LRP1B: variants seen among roughly 807,000 people sequenced by gnomAD.
LRP1B encodes low-density lipoprotein receptor-related protein 1B.
LRP1B carries 217 observed loss-of-function variants against 556.6 expected under a neutral mutation model. The ratio of observed to expected loss-of-function variants is 0.39; its 90% CI spans 0.35 to 0.44. The LOEUF (loss-of-function observed/expected upper bound fraction) is 0.44. LRP1B is among the 20% of genes least tolerant of loss of function. The pLI, the probability that LRP1B is intolerant of heterozygous loss-of-function variation, is 1.00. For synonymous variants in LRP1B, 2,047 were observed against 1,865.8 expected, an observed-to-expected ratio of 1.10 and a Z score of -2.50; for missense variants, 5,053 against 5,620.8, an observed-to-expected ratio of 0.90 and a Z score of 3.23.
intron 3 of LRP1B, among the ~76,000 whole-genome samples, chr2:141,432,935 T>TAAG (rs1284226591): frequency 6.6e-6 from 1 of 152,044 alleles, no homozygotes; most frequent in Non-Finnish European, 1.5e-5. Flanking sequence ...CTGCTAACTT[T>TAAG]AAGTTTAGTT....
Position 140,510,033 on chromosome 2 carries a change from T to C in LRP1B, c.8293A>G (p.Met2765Val), listed in dbSNP as rs1485634684. ...GCACGAGAGCCCTGGCAGCTGAACATGTCAGCAGCACAGGTTATGGCACCT... is the reference window on the plus strand; with the variant it reads ...GCACGAGAGCCCTGGCAGCTGAACACGTCAGCAGCACAGGTTATGGCACCT... The part of the protein sequence containing the change: ...ICGAITCAAD[M>V]FSCQGSRACV... Residue 2765 changes from methionine (M) to valine (V), a missense_variant, in exon 52 of 91, where the codon ATG (methionine) becomes GTG (valine). Coordinates refer to ENST00000389484, the MANE Select transcript of LRP1B (RefSeq NM_018557.3). 3 of 1,613,830 alleles carry C rather than the reference T, an allele frequency of 1.9e-6. No homozygotes were observed. Among genetic ancestry groups the C allele is most frequent in the African/African-American group, 1.3e-5 (1 of 74,986 alleles).
rs369013160 is a variant in LRP1B, at chr2:140,766,844, T to TTA, written c.5758+2367_5758+2368dup. On this transcript the variant is annotated intron_variant, in intron 35 of 90. Transcript: ENST00000389484. Reference sequence around the variant, plus strand: ...TAAAATATATATATATATATATATATTATATATATATATATATATATAATA... The same window carrying TTA: ...TAAAATATATATATATATATATATATTATATATATATATATATATATATAATA... Among the ~76,000 whole-genome samples, 318 of 54,914 alleles carry TTA rather than the reference T, an allele frequency of 5.8e-3. 3 individuals carry two copies. The highest frequency in any genetic ancestry group is 0.016 in the African/African-American group (263 of 16,684). The allele number at this position is 54,914 out of a possible 152,430, so 36.0% of individuals were successfully genotyped here. A position where few individuals can be genotyped will look rare whatever the true frequency, so the allele number is the denominator to read the frequency against.
chr2:140,356,804 G>A (rs1682245468), intron 74 of LRP1B, among the ~76,000 whole-genome samples: 1 of 151,740 alleles, frequency 6.6e-6, no homozygotes. Flanking sequence ...TACGATATAT[G>A]AGTACTACAT....
At chr2:141,710,174 T>C (rs1353998880) in intron 2 of LRP1B, among the ~76,000 whole-genome samples, 1 of 152,194 alleles carries the variant, frequency 6.6e-6, no homozygotes, top group Non-Finnish European at 1.5e-5. Context: ...GTATGACTAC[T>C]ATTTCTAAAA....
chr2:141,863,495 T>C (rs1698315181), intron 1 of LRP1B, among the ~76,000 whole-genome samples: 1 of 152,194 alleles, frequency 6.6e-6, no homozygotes, highest in Admixed American at 6.5e-5. Context: ...TGAATCTAGA[T>C]TCAGCTTCAT....
intron 3 of LRP1B, among the ~76,000 whole-genome samples, chr2:141,409,594 T>C (rs577008182): frequency 6.6e-6 from 1 of 152,176 alleles, no homozygotes; most frequent in South Asian, 2.1e-4. Context: ...ATGTGGAAAA[T>C]ATGTACATCT....
chr2:141,818,692 A>C (rs936577090), intron 1 of LRP1B, among the ~76,000 whole-genome samples: 2 of 151,002 alleles, frequency 1.3e-5, no homozygotes, highest in Non-Finnish European at 3.0e-5. Context: ...GCCTGCCACC[A>C]CACCTGGCTA....
intron 7 of LRP1B, among the ~76,000 whole-genome samples, chr2:141,138,683 C>T (rs1701550831): frequency 6.6e-6 from 1 of 151,390 alleles, no homozygotes; most frequent in Admixed American, 6.6e-5. Context: ...ATATGAAAGA[C>T]CTGGACATAT....
At chr2:140,859,838 C>G (rs557364054) in intron 27 of LRP1B, among the ~76,000 whole-genome samples, 1 of 151,588 alleles carries the variant, frequency 6.6e-6, no homozygotes, top group Non-Finnish European at 1.5e-5. Flanking sequence ...ACTAAAAATA[C>G]AAAAAAATTA....
At position 141,616,794 on chromosome 2, in the gene LRP1B, A is replaced by G. The variant is rs552306833; in HGVS notation, c.206-136261T>C. 7.2e-5 allele frequency among the ~76,000 whole-genome samples: 11 copies of G among 152,290 alleles called. No homozygotes were observed. In the South Asian group the frequency reaches 1.2e-3, roughly 17 times the overall value. Reference sequence around the variant, plus strand: ...AAGACTTTCAAATTAATCACTTTCTATATCTCTGGTGTACAATCACTCTTT... The same window carrying G: ...AAGACTTTCAAATTAATCACTTTCTGTATCTCTGGTGTACAATCACTCTTT... On this transcript the variant is annotated intron_variant, in intron 2 of 90. Transcript: ENST00000389484.
chr2:141,061,934 T>C, intron 8 of LRP1B, 117 bp downstream of exon 8: 1 of 758,160 alleles, frequency 1.3e-6, no homozygotes. Flanking sequence ...AAATATACTG[T>C]AATTTTTATG....
intron 2 of LRP1B, among the ~76,000 whole-genome samples, chr2:141,709,288 G>A (rs532953191): frequency 6.6e-6 from 1 of 151,936 alleles, no homozygotes; most frequent in Non-Finnish European, 1.5e-5. Flanking sequence ...GGCAGAAGTT[G>A]CAGTGAGCCA....
chr2:141,072,790 A>C (rs1699682387), intron 7 of LRP1B, among the ~76,000 whole-genome samples: 1 of 152,128 alleles, frequency 6.6e-6, no homozygotes, highest in African/African-American at 2.4e-5. Context: ...TGCAGAAATT[A>C]GAGCATACAG....
chr2:142,068,646 A>G (rs1011283362), intron 1 of LRP1B, among the ~76,000 whole-genome samples: 5 of 151,280 alleles, frequency 3.3e-5, no homozygotes, highest in African/African-American at 1.2e-4. Flanking sequence ...GTTTCTCAAT[A>G]TGTTTTATTT....
intron 41 of LRP1B, among the ~76,000 whole-genome samples, chr2:140,612,112 G>C (rs947507939): frequency 7.2e-5 from 11 of 151,986 alleles, no homozygotes; most frequent in Middle Eastern, 6.3e-3. Flanking sequence ...GCCCAGCCCT[G>C]TAAAAAGAGA....
At chr2:140,740,441 T>C (rs1383309706) in intron 35 of LRP1B, among the ~76,000 whole-genome samples, 1 of 152,082 alleles carries the variant, frequency 6.6e-6, no homozygotes, top group Non-Finnish European at 1.5e-5. Context: ...TTCTCACTGG[T>C]ATGTGGGAGC....
intron 77 of LRP1B, among the ~76,000 whole-genome samples, chr2:140,345,505 G>A (rs1047982758): frequency 6.6e-6 from 1 of 150,956 alleles, no homozygotes; most frequent in Non-Finnish European, 1.5e-5. Flanking sequence ...AATTTTGCTT[G>A]AGAGCTTGAT....
intron 41 of LRP1B, among the ~76,000 whole-genome samples, chr2:140,658,231 T>C (rs916531642): frequency 2.0e-5 from 3 of 152,048 alleles, no homozygotes; most frequent in Admixed American, 6.5e-5. Context: ...CTGGATACTT[T>C]GAAGGAAAAA....
At chr2:141,919,866 T>C (rs1230411780) in intron 1 of LRP1B, among the ~76,000 whole-genome samples, 1 of 152,016 alleles carries the variant, frequency 6.6e-6, no homozygotes, top group Non-Finnish European at 1.5e-5. Flanking sequence ...GATTATGAAA[T>C]AGATCTTAGA....
Sources: gnomAD v4.1 joint callset for allele counts (sites outside exome capture counted in the v4.1 genomes callset) on GRCh38, gnomAD v4.1.1 for gene constraint, MANE v1.5 for transcripts, NCBI Gene and HGNC (gene_info 2026-07-23, HGNC 2026-07-21) for gene names.